The following TUSC3 variants were observed in gnomAD, a reference collection of about 807,000 sequenced individuals.
TUSC3 encodes the protein dolichyl-diphosphooligosaccharide--protein glycosyltransferase subunit TUSC3.
In TUSC3, 45 loss-of-function variants were observed where a neutral mutation model predicts 44.8. The observed-to-expected ratio is 1.00, with a 90% CI of 0.79 to 1.29. TUSC3 has a LOEUF of 1.29. TUSC3 is among the 50% of genes most tolerant of loss of function. The probability of loss-of-function intolerance (pLI) is 0.00; values close to 1 mark genes in which losing one functional copy is unlikely to be tolerated. For missense variants in TUSC3, 519 were observed against 437.9 expected (o/e 1.19, Z -1.65); for synonymous variants, 212 against 152.9 (o/e 1.39, Z -2.85).
At chr8:15,502,841 A>G (rs1323262078) in intron 2 of TUSC3, among the ~76,000 whole-genome samples, 1 of 152,202 alleles carries the variant, frequency 6.6e-6, no homozygotes, top group East Asian at 1.9e-4. Context: ...CATTTTGCAG[A>G]AGCTCATCTT....
At chr8:15,574,052 G>T (rs1330944514) in intron 1 of TUSC3, among the ~76,000 whole-genome samples, 2 of 151,922 alleles carry the variant, frequency 1.3e-5, no homozygotes, top group Non-Finnish European at 2.9e-5. Context: ...AGACTTTTTT[G>T]TTTGAATCCT....
intron 3 of TUSC3, among the ~76,000 whole-genome samples, chr8:15,657,259 T>G (rs374344939): frequency 5.3e-5 from 8 of 152,326 alleles, no homozygotes; most frequent in East Asian, 1.9e-4. Flanking sequence ...TTGCTTCCCT[T>G]TTAATTATAA....
At chr8:15,800,323 C>T in the TUSC3 span, among the ~76,000 whole-genome samples, 1 of 152,258 alleles carries the variant, frequency 6.6e-6, no homozygotes, top group East Asian at 1.9e-4. Flanking sequence ...AATCCCAGCA[C>T]TAAGGCTGGG....
At chr8:15,435,669 C>G (rs775184832) in intron 1 of TUSC3, among the ~76,000 whole-genome samples, 1 of 152,062 alleles carries the variant, frequency 6.6e-6, no homozygotes, top group Non-Finnish European at 1.5e-5. Context: ...CTCTTTTTAG[C>G]AGGTTGACTT....
rs1343154753 is a variant in TUSC3, at chr8:15,545,039, T to C, written c.138+4471T>C. 2.6e-5 allele frequency among the ~76,000 whole-genome samples: 4 copies of C among 151,846 alleles called. 1 individual carries two copies. Among genetic ancestry groups the C allele is most frequent in the Non-Finnish European group, 5.9e-5 (4 of 67,924 alleles). ...TACATGTTACATACGTATTATGTGT[T>C]ACACACATGTATACATAATACCTAA... is the stretch of plus-strand genomic sequence containing the variant. On this transcript the variant is annotated intron_variant, in intron 1 of 10. Transcript: ENST00000503731.
At chr8:15,486,374 G>C (rs563478018) in intron 2 of TUSC3, among the ~76,000 whole-genome samples, 1 of 152,132 alleles carries the variant, frequency 6.6e-6, no homozygotes, top group African/African-American at 2.4e-5. Context: ...CAAAATGACT[G>C]CTGGTACTTG....
At chr8:15,743,350 A>G in intron 7 of TUSC3, 188 bp from the exon 8 acceptor site, 3 of 614,954 alleles carry the variant, frequency 4.9e-6, no homozygotes, top group Non-Finnish European at 8.5e-6. Flanking sequence ...TTCAGGTTAT[A>G]AATTTTTAAA....
chr8:15,741,292 C>G (rs1336099570), intron 7 of TUSC3, among the ~76,000 whole-genome samples: 6 of 152,124 alleles, frequency 3.9e-5, no homozygotes. Flanking sequence ...TGCCATTTCC[C>G]CCATGATTCA....
chr8:15,556,697 T>C (rs1802280726), intron 1 of TUSC3, among the ~76,000 whole-genome samples: 1 of 146,412 alleles, frequency 6.8e-6, no homozygotes, highest in Non-Finnish European at 1.5e-5. Context: ...ATTGCCACTC[T>C]AACTGGTGTG....
rs189529086 is a variant in TUSC3 at position 15,641,898 on chromosome 8, G to A, written c.309-8799G>A. Among the ~76,000 whole-genome samples, 267 of 152,262 alleles carry A rather than the reference G, an allele frequency of 1.8e-3. 3 individuals are homozygous for A. Among genetic ancestry groups the A allele is most frequent in the South Asian group, 5.0e-3 (24 of 4,826 alleles). On this transcript the variant is annotated intron_variant, in intron 2 of 10. Coordinates refer to ENST00000503731, the MANE Select transcript of TUSC3 (RefSeq NM_006765.4). ...AAATGAAAACCAGACAAAAAGAGAC[G>A]CAAGGAAACTTTTGGAAGTGATGGA...
rs1025830155 is a variant in TUSC3, at chr8:15,553,862, A to G, written c.138+13294A>G. On this transcript the variant is annotated intron_variant, in intron 1 of 10. Coordinates refer to ENST00000503731, the MANE Select transcript of TUSC3 (RefSeq NM_006765.4). Reference sequence around the variant, plus strand: ...TGGGAAGTGGAGAACAGCTGACAGCATTAGCCTTATATGGAAATATGGTAG... The same window carrying G: ...TGGGAAGTGGAGAACAGCTGACAGCGTTAGCCTTATATGGAAATATGGTAG... Among the ~76,000 whole-genome samples, 7 of 151,812 alleles carry G rather than the reference A, an allele frequency of 4.6e-5. 1 individual carries two copies. Among genetic ancestry groups the G allele is most frequent in the African/African-American group, 9.7e-5 (4 of 41,442 alleles).
chr8:15,557,742 A>G (rs1417302272), intron 1 of TUSC3, among the ~76,000 whole-genome samples: 3 of 138,694 alleles, frequency 2.2e-5, no homozygotes, highest in African/African-American at 7.9e-5. Flanking sequence ...TTGGATTCCT[A>G]GATATTTTCT....
intron 1 of TUSC3, among the ~76,000 whole-genome samples, chr8:15,582,605 A>G (rs1441524611): frequency 1.3e-5 from 2 of 152,220 alleles, no homozygotes; most frequent in African/African-American, 2.4e-5. Context: ...AATTGGGTCA[A>G]TCTTGGCACA....
At chr8:15,618,337 G>A (rs535132922) in intron 1 of TUSC3, among the ~76,000 whole-genome samples, 46 of 152,106 alleles carry the variant, frequency 3.0e-4, no homozygotes, top group African/African-American at 1.0e-3. Flanking sequence ...ATAACAGTTA[G>A]CTTAAAATAC....
intron 1 of TUSC3, among the ~76,000 whole-genome samples, chr8:15,435,106 G>A (rs537104738): frequency 3.4e-5 from 5 of 148,952 alleles, no homozygotes; most frequent in Non-Finnish European, 5.9e-5. Context: ...CTGAGGAATC[G>A]CCACACCGAC....
At chr8:15,589,257 A>C (rs1025360450) in intron 1 of TUSC3, among the ~76,000 whole-genome samples, 14 of 152,126 alleles carry the variant, frequency 9.2e-5, no homozygotes, top group African/African-American at 3.4e-4. Context: ...TTGTGTTTTT[A>C]ATCCATTTAT....
At chr8:15,494,576 C>T (rs1468566330) in intron 2 of TUSC3, among the ~76,000 whole-genome samples, 3 of 152,178 alleles carry the variant, frequency 2.0e-5, no homozygotes, top group Admixed American at 6.5e-5. Context: ...CTCAGCTTCC[C>T]AAAGTGCTGG....
intron 2 of TUSC3, among the ~76,000 whole-genome samples, chr8:15,519,549 C>G (rs1271572432): frequency 1.3e-5 from 2 of 152,068 alleles, no homozygotes; most frequent in Admixed American, 6.6e-5. Context: ...CTCCTAGATT[C>G]TCATAGGAGC....
intron 1 of TUSC3, among the ~76,000 whole-genome samples, chr8:15,458,303 C>T (rs1306003563): frequency 6.6e-6 from 1 of 152,098 alleles, no homozygotes; most frequent in Non-Finnish European, 1.5e-5. Flanking sequence ...CAGTGACGTG[C>T]TCACAGCTCA....
Sources: allele counts gnomAD v4.1 joint callset (sites outside exome capture counted in the v4.1 genomes callset), GRCh38; gene constraint gnomAD v4.1.1; transcripts MANE v1.5; gene names NCBI Gene and HGNC (gene_info 2026-07-23, HGNC 2026-07-21).